The following BMPR1B variants were observed in gnomAD, a reference collection of about 807,000 sequenced individuals.
BMPR1B encodes the protein bone morphogenetic protein receptor type-1B.
A neutral mutation model predicts 59.1 loss-of-function variants in BMPR1B; 12 were observed. The ratio of observed to expected loss-of-function variants is 0.20; its 90% confidence interval spans 0.13 to 0.33. The LOEUF is 0.33. BMPR1B is among the 10% of genes least tolerant of loss of function. The pLI, the probability that BMPR1B is intolerant of heterozygous loss-of-function variation, is 1.00. For synonymous variants in BMPR1B, 237 were observed against 207.3 expected (o/e 1.14, Z -1.23); for missense variants, 550 against 610.9 (o/e 0.90, Z 1.05).
intron 1 of BMPR1B, among the ~76,000 whole-genome samples, chr4:94,769,777 T>C (rs1167807297): frequency 6.6e-6 from 1 of 152,230 alleles, no homozygotes; most frequent in East Asian, 1.9e-4. Context: ...GGGAATATCT[T>C]AGGGAAGACT....
At position 94,886,398 on chromosome 4, in the gene BMPR1B, C is replaced by T. The variant is rs370181202; in HGVS notation, c.-113+10498C>T. ...CAGTAGGAGATTTGAGCATAATGTT[C>T]TCTGTTAATGATTGACCAAGCAGGT... On this transcript the variant is annotated intron_variant, in intron 2 of 12. Coordinates refer to ENST00000515059, the MANE Select transcript of BMPR1B (RefSeq NM_001203.3). Among the ~76,000 whole-genome samples, 5 of 152,248 alleles carry T rather than the reference C, an allele frequency of 3.3e-5. No homozygotes were observed. The East Asian group carries it at 7.7e-4, about 24-fold the overall frequency.
chr4:95,073,616 T>A (rs1018955987), intron 3 of BMPR1B, among the ~76,000 whole-genome samples: 1 of 152,120 alleles, frequency 6.6e-6, no homozygotes, highest in Non-Finnish European at 1.5e-5. Context: ...CCAACAGAGA[T>A]GATACTCTGG....
At chr4:95,000,669 A>T (rs1722382128) in intron 3 of BMPR1B, among the ~76,000 whole-genome samples, 1 of 152,134 alleles carries the variant, frequency 6.6e-6, no homozygotes, top group Admixed American at 6.6e-5. Flanking sequence ...ATGGACGTAG[A>T]AATATACCAA....
At chr4:94,767,296 A>C (rs1004818380) in intron 1 of BMPR1B, among the ~76,000 whole-genome samples, 2 of 152,232 alleles carry the variant, frequency 1.3e-5, no homozygotes, top group African/African-American at 4.8e-5. Flanking sequence ...GTAGGATTCT[A>C]ATGATGTACT....
chr4:95,072,189 C>T (rs969046209), intron 3 of BMPR1B, among the ~76,000 whole-genome samples: 1 of 152,062 alleles, frequency 6.6e-6, no homozygotes, highest in African/African-American at 2.4e-5. Flanking sequence ...AAGGGTCAGC[C>T]TTTTTGTTCA....
At chr4:94,849,046 A>G (rs898161379) in intron 1 of BMPR1B, among the ~76,000 whole-genome samples, 1 of 152,160 alleles carries the variant, frequency 6.6e-6, no homozygotes, top group Non-Finnish European at 1.5e-5. Context: ...GCTCCAGATA[A>G]AAGTTTGAGT....
intron 6 of BMPR1B, among the ~76,000 whole-genome samples, chr4:95,120,634 CTTCCTTCCTTCCTTCCT>C (rs1057269343): frequency 7.0e-6 from 1 of 143,546 alleles, no homozygotes; most frequent in African/African-American, 2.8e-5. Flanking sequence ...TCCTTCCTTC[CTTCCTTCCTTCCTTCCT>C]TTCCTTCCTT....
At chr4:94,790,426 G>C (rs531322146) in intron 1 of BMPR1B, among the ~76,000 whole-genome samples, 15 of 152,292 alleles carry the variant, frequency 9.8e-5, no homozygotes, top group Admixed American at 2.6e-4. Context: ...ACCTTGCTGG[G>C]TGGGGTGTTG....
Position 94,775,325 on chromosome 4 carries a change from G to A in BMPR1B, c.-183+17257G>A, listed in dbSNP as rs147142603. 2.5e-3 allele frequency among the ~76,000 whole-genome samples: 375 copies of A among 152,288 alleles called. 3 individuals are homozygous for A. Among genetic ancestry groups the A allele is most frequent in the African/African-American group, 8.7e-3 (361 of 41,564 alleles). On this transcript the variant is annotated intron_variant, in intron 1 of 12. Transcript: ENST00000515059. ...CCTACTAAAACAGAATGAGGAAAAT[G>A]TACAGTTAATTGATCAATTTTAAGG...
chr4:95,054,543 G>C (rs1232179189), intron 3 of BMPR1B, among the ~76,000 whole-genome samples: 3 of 152,102 alleles, frequency 2.0e-5, no homozygotes, highest in Non-Finnish European at 4.4e-5. Context: ...AATCTGTAGT[G>C]TTAATTTCTA....
chr4:94,903,589 A>G (rs1408615738), intron 2 of BMPR1B, among the ~76,000 whole-genome samples: 1 of 151,760 alleles, frequency 6.6e-6, no homozygotes, highest in Non-Finnish European at 1.5e-5. Context: ...TCGGTTATGA[A>G]TTTTATACAG....
intron 1 of BMPR1B, among the ~76,000 whole-genome samples, chr4:94,821,730 A>T (rs924203910): frequency 6.6e-6 from 1 of 152,236 alleles, no homozygotes; most frequent in African/African-American, 2.4e-5. Flanking sequence ...TTAATTATAC[A>T]TGTAATAAGG....
At chr4:94,864,085 A>G (rs886178901) in intron 1 of BMPR1B, among the ~76,000 whole-genome samples, 1 of 152,222 alleles carries the variant, frequency 6.6e-6, no homozygotes, top group Non-Finnish European at 1.5e-5. Flanking sequence ...TTTATAAAAC[A>G]AAAGAAAACA....
chr4:94,765,231 A>G (rs1326569149), intron 1 of BMPR1B, among the ~76,000 whole-genome samples: 1 of 152,198 alleles, frequency 6.6e-6, no homozygotes, highest in Non-Finnish European at 1.5e-5. Context: ...TTTTGTATAT[A>G]TGTATGTGTG....
chr4:95,015,867 A>G (rs185336124), intron 3 of BMPR1B, among the ~76,000 whole-genome samples: 2 of 151,994 alleles, frequency 1.3e-5, no homozygotes, highest in African/African-American at 4.8e-5. Flanking sequence ...TCATTTTTGT[A>G]TTTTTAGTGG....
At chr4:95,061,036 ATTG>A (rs2149204202) in intron 3 of BMPR1B, among the ~76,000 whole-genome samples, 1 of 9,392 alleles carries the variant, frequency 1.1e-4, no homozygotes, top group African/African-American at 5.6e-4. Flanking sequence ...AGGTAGTCTG[ATTG>A]TTGTTATCAT....
At chr4:94,990,336 C>T (rs1721655458) in intron 2 of BMPR1B, among the ~76,000 whole-genome samples, 1 of 152,058 alleles carries the variant, frequency 6.6e-6, no homozygotes, top group Non-Finnish European at 1.5e-5. Flanking sequence ...GCCTGGGCAA[C>T]AGAATGAGAC....
intron 2 of BMPR1B, among the ~76,000 whole-genome samples, chr4:94,951,904 G>A (rs908202940): frequency 2.0e-5 from 3 of 152,016 alleles, no homozygotes; most frequent in South Asian, 4.2e-4. Flanking sequence ...TTTTTGGTTG[G>A]TAGGGTATTA....
Position 95,154,709 on chromosome 4 carries a change from A to AG in BMPR1B, c.*36_*37insG. On this transcript the variant is annotated 3_prime_UTR_variant, in exon 13 of 13. Coordinates refer to ENST00000515059, the MANE Select transcript of BMPR1B (RefSeq NM_001203.3). The stretch of plus-strand genomic sequence containing the variant: ...AAAGTAAGCATCTCTGCAGAAAGCC[A>AG]ACAGGTACTCTTCTGTTTGTGGGCA... 6.2e-7 allele frequency: 1 copy of AG among 1,612,564 alleles called. No homozygotes were observed. Among genetic ancestry groups the AG allele is most frequent in the African/African-American group, 1.3e-5 (1 of 74,996 alleles).
Sources: gnomAD v4.1 joint callset for allele counts (sites outside exome capture counted in the v4.1 genomes callset) on GRCh38, gnomAD v4.1.1 for gene constraint, MANE v1.5 for transcripts, NCBI Gene and HGNC (gene_info 2026-07-23, HGNC 2026-07-21) for gene names.